The following RBFOX2 variants were observed in gnomAD, a reference collection of about 807,000 sequenced individuals.
RBFOX2 encodes the protein RNA binding fox-1 homolog 2.
RBFOX2 carries 10 observed loss-of-function variants against 49.1 expected under a neutral mutation model. That is an observed-to-expected ratio of 0.20 (90% CI 0.13 to 0.35). The LOEUF is 0.35. Ranked by LOEUF, RBFOX2 falls within the 10% of genes least tolerant of loss-of-function variation. The pLI is 1.00. For missense variants in RBFOX2, 323 were observed against 486.9 expected, an observed-to-expected ratio of 0.66 and a Z score of 3.17; for synonymous variants, 183 against 187.4, an observed-to-expected ratio of 0.98 and a Z score of 0.19.
chr22:35,862,873 C>G (rs1221061482), intron 1 of RBFOX2, among the ~76,000 whole-genome samples: 2 of 152,188 alleles, frequency 1.3e-5, no homozygotes, highest in Non-Finnish European at 2.9e-5. Flanking sequence ...ATGAATAGGC[C>G]TGGCATATAC....
At chr22:35,836,036 T>C (rs532126184) in intron 1 of RBFOX2, among the ~76,000 whole-genome samples, 23 of 151,454 alleles carry the variant, frequency 1.5e-4, no homozygotes, top group African/African-American at 5.1e-4. Context: ...GCAAAGCCCA[T>C]AGAAAGTGGA....
chr22:36,015,269 G>A (rs1320848528), intron 1 of RBFOX2, among the ~76,000 whole-genome samples: 3 of 152,204 alleles, frequency 2.0e-5, no homozygotes, highest in Non-Finnish European at 4.4e-5. Context: ...ATGTAAGTAT[G>A]TAACTAATGC....
chr22:35,898,586 T>C (rs5750194), intron 1 of RBFOX2, among the ~76,000 whole-genome samples: 11,780 of 151,656 alleles, frequency 0.078, 482 homozygotes, highest in South Asian at 0.085. Context: ...CCACCACGCC[T>C]GGCTAATTTT....
chr22:35,892,415 G>A (rs934471951), intron 1 of RBFOX2, among the ~76,000 whole-genome samples: 3 of 152,208 alleles, frequency 2.0e-5, no homozygotes, highest in Admixed American at 6.5e-5. Flanking sequence ...GCAGCATAGA[G>A]AGCGCACAAG....
At chr22:35,815,946 C>G (rs1477683194) in intron 1 of RBFOX2, among the ~76,000 whole-genome samples, 1 of 152,158 alleles carries the variant, frequency 6.6e-6, no homozygotes, top group East Asian at 1.9e-4. Context: ...ATTCTCAGAT[C>G]TGGTACTAAA....
At chr22:35,924,161 C>A (rs1253409763) in intron 1 of RBFOX2, among the ~76,000 whole-genome samples, 2 of 152,178 alleles carry the variant, frequency 1.3e-5, no homozygotes, top group Non-Finnish European at 2.9e-5. Flanking sequence ...AGTATTCCAC[C>A]TGTTAGCCCT....
At chr22:35,922,278 T>G (rs1372121925) in intron 1 of RBFOX2, among the ~76,000 whole-genome samples, 1 of 152,222 alleles carries the variant, frequency 6.6e-6, no homozygotes, top group East Asian at 1.9e-4. Flanking sequence ...GAAACTCTGT[T>G]GGTATTAAGA....
At chr22:35,821,011 G>C (rs567688549) in intron 1 of RBFOX2, among the ~76,000 whole-genome samples, 2 of 152,290 alleles carry the variant, frequency 1.3e-5, no homozygotes, top group East Asian at 3.9e-4. Flanking sequence ...AAGACTACTA[G>C]ATTTCAACCC....
intron 1 of RBFOX2, among the ~76,000 whole-genome samples, chr22:35,979,083 C>G (rs992887124): frequency 2.6e-5 from 4 of 152,138 alleles, no homozygotes; most frequent in Non-Finnish European, 5.9e-5. Context: ...CGGGGGACAG[C>G]ATTTGCCTCC....
intron 1 of RBFOX2, among the ~76,000 whole-genome samples, chr22:35,823,764 A>G (rs1247579109): frequency 6.6e-6 from 1 of 152,258 alleles, no homozygotes; most frequent in East Asian, 1.9e-4. Context: ...AGAAGTGTTT[A>G]CTACAATTTT....
intron 1 of RBFOX2, among the ~76,000 whole-genome samples, chr22:35,834,603 C>T (rs1430138905): frequency 6.6e-6 from 1 of 152,056 alleles, no homozygotes; most frequent in Non-Finnish European, 1.5e-5. Context: ...GGAGAGGTCG[C>T]CCTTGAGAAG....
exon 4 of RBFOX2, chr22:35,778,051 T>C: frequency 6.2e-7 from 1 of 1,613,486 alleles, no homozygotes; most frequent in Non-Finnish European, 8.5e-7. Context: ...TTAAAGATTA[T>C]TTCTACATCT....
At position 35,809,980 on chromosome 22, in the gene RBFOX2, G is replaced by C. The variant is rs755105783; in HGVS notation, c.52C>G (p.Pro18Ala). Residue 18 changes from proline (P) to alanine (A), a missense_variant, in exon 2 of 12, where the codon CCT becomes GCT. Pro to Ala is a conservative substitution (Grantham distance 27, BLOSUM62 -1). Around this residue, in one of 2 missense-constraint regions of RBFOX2, gnomAD observed 123 missense variants for 116.9 expected, o/e 1.05. Coordinates refer to ENST00000405409, the Ensembl canonical transcript of RBFOX2. ...GTAAAAGGCTGAACCATTGCGTCAG[G>C]AGTTGTTGTCGGCTCCTGGTTACCC... 1 of 1,613,988 alleles carries C rather than the reference G, an allele frequency of 6.2e-7. No homozygotes were observed. The highest frequency in any genetic ancestry group is 1.3e-5 in the African/African-American group (1 of 74,892).
intron 1 of RBFOX2, among the ~76,000 whole-genome samples, chr22:36,026,740 G>A (rs934564679): frequency 3.3e-5 from 5 of 152,140 alleles, no homozygotes; most frequent in Non-Finnish European, 7.3e-5. Flanking sequence ...GAAAATAAAA[G>A]CAGGCAAACA....
At chr22:35,843,608 T>C (rs998661112), upstream of RBFOX2, among the ~76,000 whole-genome samples, 5 of 152,206 alleles carry the variant, frequency 3.3e-5, no homozygotes, top group African/African-American at 1.2e-4. Context: ...ATTCCCTCCT[T>C]TGGGAAACTC....
intron 1 of RBFOX2, among the ~76,000 whole-genome samples, chr22:35,873,755 C>T (rs5995173): frequency 0.029 from 4,480 of 152,274 alleles, 217 homozygotes; most frequent in African/African-American, 0.1. Flanking sequence ...TGGCTCACCG[C>T]AACTTCTGCC....
intron 1 of RBFOX2, among the ~76,000 whole-genome samples, chr22:35,901,251 T>C (rs1430813279): frequency 3.3e-5 from 5 of 152,214 alleles, no homozygotes; most frequent in Admixed American, 2.6e-4. Context: ...ATCATACCTA[T>C]TCACTGACAA....
chr22:35,977,370 C>CA (rs1365113149), intron 1 of RBFOX2, among the ~76,000 whole-genome samples: 2 of 151,638 alleles, frequency 1.3e-5, no homozygotes, highest in Admixed American at 6.6e-5. Flanking sequence ...TACTCAACAG[C>CA]AAAAAAGGAA....
intron 2 of RBFOX2, among the ~76,000 whole-genome samples, chr22:35,803,038 A>G (rs1337646234): frequency 6.6e-6 from 1 of 152,090 alleles, no homozygotes; most frequent in Non-Finnish European, 1.5e-5. Context: ...CCTCCTAGCC[A>G]GGCTAAAAAC....
Sources: gnomAD v4.1 joint callset for allele counts (sites outside exome capture counted in the v4.1 genomes callset) on GRCh38, gnomAD v4.1.1 for gene constraint, gnomAD v4.1.1 regional missense constraint, MANE v1.5 for transcripts, NCBI Gene and HGNC (gene_info 2026-07-23, HGNC 2026-07-21) for gene names.